The following PLCB1 variants were observed in gnomAD, a reference collection of about 807,000 sequenced individuals.
The protein encoded by PLCB1 is phospholipase C beta 1.
A neutral mutation model predicts 161.8 loss-of-function variants in PLCB1; 46 were observed. The ratio of observed to expected loss-of-function variants is 0.28; its 90% CI spans 0.22 to 0.36. The LOEUF is 0.36. Among genes scored for constraint, PLCB1 ranks in the 10% least tolerant of loss-of-function variants. The pLI is 1.00. For missense variants in PLCB1, 1,016 were observed against 1,472.5 expected, an observed-to-expected ratio of 0.69 and a Z score of 5.07; for synonymous variants, 517 against 503.7, an observed-to-expected ratio of 1.03 and a Z score of -0.35.
intron 2 of PLCB1, among the ~76,000 whole-genome samples, chr20:8,207,649 C>T (rs1568590407): frequency 6.6e-6 from 1 of 152,100 alleles, no homozygotes; most frequent in East Asian, 1.9e-4. Flanking sequence ...GGCATGATCA[C>T]AGGTCACTGC....
chr20:8,524,304 T>A (rs991911561), intron 3 of PLCB1, among the ~76,000 whole-genome samples: 1 of 152,134 alleles, frequency 6.6e-6, no homozygotes, highest in African/African-American at 2.4e-5. Context: ...ATGAACCTCC[T>A]GGGTTTTGTT....
At chr20:8,195,044 A>G (rs1226717567) in intron 2 of PLCB1, among the ~76,000 whole-genome samples, 1 of 152,040 alleles carries the variant, frequency 6.6e-6, no homozygotes, top group African/African-American at 2.4e-5. Flanking sequence ...TCCCTTCTAC[A>G]GATTTTAATT....
At chr20:8,766,858 A>C (rs1170432195) in intron 26 of PLCB1, among the ~76,000 whole-genome samples, 4 of 152,168 alleles carry the variant, frequency 2.6e-5, no homozygotes, top group Admixed American at 6.5e-5. Context: ...TGAGTAGTGA[A>C]GATCAAGGAC....
chr20:8,565,003 T>C (rs1986275756), intron 3 of PLCB1, among the ~76,000 whole-genome samples: 1 of 152,120 alleles, frequency 6.6e-6, no homozygotes, highest in Non-Finnish European at 1.5e-5. Context: ...ACGCAAAGGA[T>C]TATAAATCAT....
At chr20:8,260,088 C>CT (rs1208443899) in intron 2 of PLCB1, among the ~76,000 whole-genome samples, 3 of 149,638 alleles carry the variant, frequency 2.0e-5, no homozygotes, top group Admixed American at 1.3e-4. Flanking sequence ...TTTCTTGTTT[C>CT]TTTTTTTTTC....
At position 8,392,004 on chromosome 20, in the gene PLCB1, C is replaced by A. The variant is rs148995987; in HGVS notation, c.246+20554C>A. On this transcript the variant is annotated intron_variant, in intron 3 of 31. Transcript: ENST00000338037. The stretch of plus-strand genomic sequence containing the variant: ...AAATATGGAGTATATCATTACAATT[C>A]CTTTTCAGCTTTAGGACTCATAATA... Among the ~76,000 whole-genome samples the A allele has an allele frequency of 3.1e-3, 467 of 151,790 alleles. 3 individuals are homozygous for A. Among genetic ancestry groups the A allele is most frequent in the African/African-American group, 0.01 (425 of 41,408 alleles).
intron 12 of PLCB1, among the ~76,000 whole-genome samples, chr20:8,715,698 A>G (rs1224739518): frequency 6.6e-6 from 1 of 152,052 alleles, no homozygotes; most frequent in African/African-American, 2.4e-5. Flanking sequence ...CCCCTCCCCA[A>G]GTGGACACAC....
intron 31 of PLCB1, among the ~76,000 whole-genome samples, chr20:8,815,752 A>G (rs1480081350): frequency 6.6e-6 from 1 of 152,236 alleles, no homozygotes; most frequent in African/African-American, 2.4e-5. Flanking sequence ...CTATTAAAAA[A>G]TTATCTGCTG....
At chr20:8,203,604 G>A (rs556909393) in intron 2 of PLCB1, among the ~76,000 whole-genome samples, 2 of 152,178 alleles carry the variant, frequency 1.3e-5, no homozygotes, top group South Asian at 4.2e-4. Context: ...AGATGTGCTT[G>A]TTCAGGGAGA....
At chr20:8,353,123 G>T (rs1605791) in intron 2 of PLCB1, among the ~76,000 whole-genome samples, 1 of 151,828 alleles carries the variant, frequency 6.6e-6, no homozygotes, top group Non-Finnish European at 1.5e-5. Flanking sequence ...CTAGAGCTGG[G>T]GAAGGGAATT....
rs190838099 is a variant in PLCB1 at position 8,429,767 on chromosome 20, A to G, written c.246+58317A>G. On this transcript the variant is annotated intron_variant, in intron 3 of 31. Coordinates refer to ENST00000338037, the MANE Select transcript of PLCB1 (RefSeq NM_015192.4). ...AAGAAAGAACACTAAAATATTTGCAAATCTACCCTGCACAGTCACTTTAAT... is the reference window on the plus strand; with the variant it reads ...AAGAAAGAACACTAAAATATTTGCAGATCTACCCTGCACAGTCACTTTAAT... Among the ~76,000 whole-genome samples the G allele has an allele frequency of 2.3e-3, 345 of 152,142 alleles. 4 individuals carry two copies. Among genetic ancestry groups the G allele is most frequent in the African/African-American group, 7.8e-3 (322 of 41,530 alleles).
At chr20:8,382,935 G>A (rs1008770262) in intron 3 of PLCB1, among the ~76,000 whole-genome samples, 2 of 152,172 alleles carry the variant, frequency 1.3e-5, no homozygotes, top group African/African-American at 4.8e-5. Context: ...CATTTGCTGA[G>A]GAGTGTTTTA....
At chr20:8,211,002 G>A (rs1308667007) in intron 2 of PLCB1, among the ~76,000 whole-genome samples, 2 of 152,068 alleles carry the variant, frequency 1.3e-5, no homozygotes, top group African/African-American at 4.8e-5. Flanking sequence ...GGGATAAAGA[G>A]GCAAGATTAT....
At chr20:8,309,236 G>C (rs1039567124) in intron 2 of PLCB1, among the ~76,000 whole-genome samples, 1 of 152,094 alleles carries the variant, frequency 6.6e-6, no homozygotes, top group African/African-American at 2.4e-5. Context: ...GAACAAGGGG[G>C]TATGCTTTTC....
rs6140670 is a variant in PLCB1 at position 8,657,080 on chromosome 20, G to A, written c.595-104G>A. Reference sequence around the variant, plus strand: ...AGAGAGGGAGAAGGTGAGGGAAGGGGGGAAGAAAAGAAAGGAGAGAAAAGA... The same window carrying A: ...AGAGAGGGAGAAGGTGAGGGAAGGGAGGAAGAAAAGAAAGGAGAGAAAAGA... On this transcript the variant is annotated intron_variant, in intron 7 of 31. Coordinates refer to ENST00000338037, the MANE Select transcript of PLCB1 (RefSeq NM_015192.4). 515,126 of 706,468 alleles carry A rather than the reference G, an allele frequency of 0.73. 189,013 individuals are homozygous for A. The highest frequency in any genetic ancestry group is 0.84 in the African/African-American group (47,124 of 56,350). The allele number at this position is 706,468 out of a possible 1,614,324, so 43.8% of individuals were successfully genotyped here.
intron 31 of PLCB1, among the ~76,000 whole-genome samples, chr20:8,876,109 T>C (rs1489411772): frequency 6.6e-6 from 1 of 152,172 alleles, no homozygotes; most frequent in Non-Finnish European, 1.5e-5. Flanking sequence ...TAGTGGGCAA[T>C]GTCTTTTGAA....
At chr20:8,881,358 T>TGCGTGTGTGTGC (rs1987979179) in intron 31 of PLCB1, among the ~76,000 whole-genome samples, 1 of 150,502 alleles carries the variant, frequency 6.6e-6, no homozygotes, top group Non-Finnish European at 1.5e-5. Context: ...TGTGTGTGTG[T>TGCGTGTGTGTGC]GCATTTGTAG....
intron 2 of PLCB1, among the ~76,000 whole-genome samples, chr20:8,171,991 A>C (rs2051737283): frequency 6.6e-6 from 1 of 151,816 alleles, no homozygotes; most frequent in Non-Finnish European, 1.5e-5. Flanking sequence ...CATATGTTCT[A>C]GTGCATTTTT....
intron 4 of PLCB1, among the ~76,000 whole-genome samples, chr20:8,644,492 G>A (rs1281830492): frequency 6.7e-6 from 1 of 150,246 alleles, no homozygotes; most frequent in African/African-American, 2.5e-5. Flanking sequence ...CCGCGACCCC[G>A]TCTGGGAGGT....
Sources: allele counts gnomAD v4.1 joint callset (sites outside exome capture counted in the v4.1 genomes callset), GRCh38; gene constraint gnomAD v4.1.1; transcripts MANE v1.5; gene names NCBI Gene and HGNC (gene_info 2026-07-23, HGNC 2026-07-21).